Variants in AHNAK2 observed in about 807,000 individuals in gnomAD.
The protein encoded by AHNAK2 is AHNAK nucleoprotein 2.
A neutral mutation model predicts 30.7 loss-of-function variants in AHNAK2; 18 were observed. The ratio of observed to expected loss-of-function variants is 0.59; its 90% confidence interval spans 0.41 to 0.87. The LOEUF is 0.87. Among genes scored for constraint, AHNAK2 ranks in the 40% least tolerant of loss-of-function variants. The pLI is 0.00. For synonymous variants in AHNAK2, 3,590 were observed against 3,073.8 expected, an observed-to-expected ratio of 1.17 and a Z score of -5.56; for missense variants, 8,604 against 7,373.0, an observed-to-expected ratio of 1.17 and a Z score of -6.11.
rs965943312 is a variant in AHNAK2, at chr14:104,945,327, T to A, written c.10124A>T (p.Lys3375Met). ...CTCGGGCACGTGGCCCTCCGGGAGC[T>A]TCACGTCCACCTGGCCAGCCTGGAC... ...LEVQAGQVDV[K>M]LPEGHVPEGA... Residue 3375 changes from lysine (K) to methionine (M), a missense_variant, in exon 7 of 7, where the codon AAG (lysine) becomes ATG (methionine). Physicochemically the swap from Lys to Met is moderately conservative, Grantham distance 95. Coordinates refer to ENST00000333244, the MANE Select transcript of AHNAK2 (RefSeq NM_138420.4). The A allele has an allele frequency of 6.2e-7, 1 of 1,612,618 alleles. No individual in the cohort carries two copies. Among genetic ancestry groups the A allele is most frequent in the African/African-American group, 1.3e-5 (1 of 74,484 alleles).
At chr14:104,955,677 C>T (rs1432831566) in intron 4 of AHNAK2, 44 bp from the exon 5 acceptor site, 9 of 1,595,732 alleles carry the variant, frequency 5.6e-6, no homozygotes, top group Non-Finnish European at 6.8e-6. Flanking sequence ...ATGTGCCAGT[C>T]CCACCATAAG....
rs762827116 is a variant in AHNAK2 at position 104,952,625 on chromosome 14, C to G, written c.2826G>C (p.Lys942Asn). 3 of 1,612,644 alleles carry G rather than the reference C, an allele frequency of 1.9e-6. 1 individual carries two copies. Among genetic ancestry groups the G allele is most frequent in the South Asian group, 2.2e-5 (2 of 91,026 alleles). The change falls in exon 7 of 7, where the codon AAG becomes AAC. Residue 942 changes from lysine to asparagine, a missense_variant. Physicochemically the swap from Lys to Asn is moderately conservative, Grantham distance 94 (BLOSUM62 0). Coordinates refer to ENST00000333244, the MANE Select transcript of AHNAK2 (RefSeq NM_138420.4). ...CCGCCTTGGGGCCTTTCAGGTCCAG[C>G]TTGGGGCCCTTAACATCTATCTGGG... is the stretch of plus-strand genomic sequence containing the variant. The part of the protein sequence containing the change: ...KGPQIDVKGP[K>N]LDLKGPKAEV...
At chr14:104,974,796 A>G (rs1315551339) in intron 1 of AHNAK2, among the ~76,000 whole-genome samples, 2 of 152,224 alleles carry the variant, frequency 1.3e-5, no homozygotes, top group Non-Finnish European at 2.9e-5. Flanking sequence ...TGCCAGCCGG[A>G]AGACCAAGCT....
intron 1 of AHNAK2, among the ~76,000 whole-genome samples, chr14:104,960,093 AG>A (rs1215581152): frequency 6.6e-6 from 1 of 152,266 alleles, no homozygotes; most frequent in Non-Finnish European, 1.5e-5. Context: ...AACAAAAAGG[AG>A]GCTGGATTTA....
rs1018536058 is a variant in AHNAK2, at chr14:104,948,205, G to A, written c.7246C>T (p.Leu2416Phe). Reference sequence around the variant, plus strand: ...TTGACATCTATCTGGGGGCCCTTGAGATCTACTTTGGGCATCTTGAAACTG... The same window carrying A: ...TTGACATCTATCTGGGGGCCCTTGAAATCTACTTTGGGCATCTTGAAACTG... ...MPSFKMPKVD[L>F]KGPQIDVKGP... is the part of the protein sequence containing the mutation. The change falls in exon 7 of 7, where the codon CTC (leucine) becomes TTC (phenylalanine). Residue 2416 changes from leucine (L) to phenylalanine (F), a missense_variant. Coordinates refer to ENST00000333244, the MANE Select transcript of AHNAK2 (RefSeq NM_138420.4). 2 of 1,612,574 alleles carry A rather than the reference G, an allele frequency of 1.2e-6. No individual in the cohort carries two copies. The highest frequency in any genetic ancestry group is 1.1e-5 in the South Asian group (1 of 91,020).
In AHNAK2 at chr14:104,939,779, T is replaced by C. The variant is rs969962846; in HGVS notation, c.15672A>G (p.Thr5224=). Reference sequence around the variant, plus strand: ...TGACTTTAGCTGCTGCTTCACCCCCTGTTGCTGCCGGTGCCTGTGTCTGAG... The same window carrying C: ...TGACTTTAGCTGCTGCTTCACCCCCCGTTGCTGCCGGTGCCTGTGTCTGAG... ...EVAQTQAPAA[T]GGEAAAKVKE... is the part of the protein sequence containing the mutation. The change falls in exon 7 of 7, where the codon ACA becomes ACG. Residue 5224 remains threonine, a synonymous_variant. Coordinates refer to ENST00000333244, the MANE Select transcript of AHNAK2 (RefSeq NM_138420.4). The C allele has an allele frequency of 6.2e-7, 1 of 1,613,698 alleles. No individual in the cohort carries two copies. The highest frequency in any genetic ancestry group is 8.5e-7 in the Non-Finnish European group (1 of 1,179,872).
chr14:104,948,211 C>T lies in AHNAK2; in HGVS notation c.7240G>A (p.Val2414Ile), dbSNP rs1158106146. ...TCTATCTGGGGGCCCTTGAGATCTA[C>T]TTTGGGCATCTTGAAACTGGGCATC... ...LQMPSFKMPK[V>I]DLKGPQIDVK... The change falls in exon 7 of 7, where the codon GTA becomes ATA. Residue 2414 changes from valine (V) to isoleucine (I), a missense_variant. Val to Ile is a conservative substitution (Grantham distance 29). Transcript: ENST00000333244. 6.2e-7 allele frequency: 1 copy of T among 1,612,286 alleles called. No individual in the cohort carries two copies. Among genetic ancestry groups the T allele is most frequent in the South Asian group, 1.1e-5 (1 of 90,986 alleles).
chr14:104,941,181 A>G lies in AHNAK2; in HGVS notation c.14270T>C (p.Met4757Thr). 6.2e-7 allele frequency: 1 copy of G among 1,613,648 alleles called. No homozygotes were observed. Among genetic ancestry groups the G allele is most frequent in the Non-Finnish European group, 8.5e-7 (1 of 1,179,908 alleles). ...AGCAAAACCCACCTTAGGCATCTGC[A>G]TGGATGGCTCTGAACAAGCCGAAAC... ...QQVSACSEPS[M>T]QMPKVGFAGF... is the part of the protein sequence containing the mutation. Residue 4757 changes from methionine to threonine, a missense_variant, in exon 7 of 7, where the codon ATG (methionine) becomes ACG (threonine). By Grantham distance (81) the Met-to-Thr change is moderately conservative (BLOSUM62 -1). Transcript: ENST00000333244.
rs765508389 is a variant in AHNAK2 at position 104,945,505 on chromosome 14, G to C, written c.9946C>G (p.Pro3316Ala). 11 of 1,612,816 alleles carry C rather than the reference G, an allele frequency of 6.8e-6. No homozygotes were observed. Among genetic ancestry groups the C allele is most frequent in the Non-Finnish European group, 9.3e-6 (11 of 1,179,610 alleles). The change falls in exon 7 of 7, where the codon CCG becomes GCG. Residue 3316 changes from proline to alanine, a missense_variant. Pro to Ala is a conservative substitution (Grantham distance 27, BLOSUM62 -1). Transcript: ENST00000333244. ...CCTGGGGCAGACGCCCTGTACGACG[G>C]CATCTTGAATTTGGGCATTTTGAAC... ...SKFKMPKFKM[P>A]SYRASAPGKS...
Position 104,938,847 on chromosome 14 carries a change from T to A in AHNAK2, c.16604A>T (p.Tyr5535Phe), listed in dbSNP as rs768624909. 5 of 1,613,960 alleles carry A rather than the reference T, an allele frequency of 3.1e-6. No homozygotes were observed. The South Asian group carries it at 5.5e-5, about 18-fold the overall frequency. Residue 5535 changes from tyrosine to phenylalanine, a missense_variant, in exon 7 of 7, where the codon TAC (tyrosine) becomes TTC (phenylalanine). Transcript: ENST00000333244. The stretch of plus-strand genomic sequence containing the variant: ...CCTAGAGTGTTGAGTCATTGTTGTG[T>A]ACACTCTAGCCTGCGTGTGGGGCTC... ...IPEPHTQARV[Y>F]TTMTQHSRTQ...
intron 1 of AHNAK2, among the ~76,000 whole-genome samples, chr14:104,968,694 C>G (rs1899383417): frequency 6.6e-6 from 1 of 152,184 alleles, no homozygotes; most frequent in South Asian, 2.1e-4. Flanking sequence ...TGGGGGCTGG[C>G]AGGGAGGAGA....
At position 104,953,123 on chromosome 14, in the gene AHNAK2, G is replaced by T. The variant is rs774130626; in HGVS notation, c.2328C>A (p.Pro776=). 1 of 1,613,064 alleles carries T rather than the reference G, an allele frequency of 6.2e-7. No individual in the cohort carries two copies. The highest frequency in any genetic ancestry group is 8.5e-7 in the Non-Finnish European group (1 of 1,179,692). ...LKMPKVDLKG[P]KLDLKGPKAE... ...CCTTGGGGCCTTTCAGGTCCAGCTTGGGGCCCTTGAGGTCCACTTTGGGCA... is the reference window on the plus strand; with the variant it reads ...CCTTGGGGCCTTTCAGGTCCAGCTTTGGGCCCTTGAGGTCCACTTTGGGCA... Residue 776 remains proline (P), a synonymous_variant, in exon 7 of 7, where the codon CCC becomes CCA. Coordinates refer to ENST00000333244, the MANE Select transcript of AHNAK2 (RefSeq NM_138420.4).
At chr14:104,967,604 C>T (rs908692514) in intron 1 of AHNAK2, among the ~76,000 whole-genome samples, 1 of 152,234 alleles carries the variant, frequency 6.6e-6, no homozygotes, top group African/African-American at 2.4e-5. Context: ...CCACCCTCAG[C>T]CACCGCACTG....
At position 104,944,847 on chromosome 14, in the gene AHNAK2, A is replaced by C. The variant is rs202194152; in HGVS notation, c.10604T>G (p.Val3535Gly). The change falls in exon 7 of 7, where the codon GTC (valine) becomes GGC (glycine). Residue 3535 changes from valine (V) to glycine (G), a missense_variant. Coordinates refer to ENST00000333244, the MANE Select transcript of AHNAK2 (RefSeq NM_138420.4). Reference sequence around the variant, plus strand: ...CTCCAGGAGTTCCACATCCACTTGGACAGCCTGGACCTCCAGGTCAGCGGA... The same window carrying C: ...CTCCAGGAGTTCCACATCCACTTGGCCAGCCTGGACCTCCAGGTCAGCGGA... Reference protein sequence around the residue: ...PPSADLEVQAVQVDVELLEGP... With the variant: ...PPSADLEVQAGQVDVELLEGP... The C allele has an allele frequency of 9.3e-4, 1,505 of 1,610,360 alleles. 14 individuals are homozygous for C. In the African/African-American group the frequency reaches 0.014, roughly 15 times the overall value.
In AHNAK2 at chr14:104,939,443, G is replaced by C; in HGVS notation, c.16008C>G (p.Asp5336Glu). The C allele has an allele frequency of 6.2e-7, 1 of 1,613,486 alleles. No individual in the cohort carries two copies. Among genetic ancestry groups the C allele is most frequent in the Non-Finnish European group, 8.5e-7 (1 of 1,179,808 alleles). Residue 5336 changes from aspartate to glutamate, a missense_variant, in exon 7 of 7, where the codon GAC becomes GAG. Asp to Glu is a conservative substitution (Grantham distance 45, BLOSUM62 2). Coordinates refer to ENST00000333244, the MANE Select transcript of AHNAK2 (RefSeq NM_138420.4). ...CTGTTTTATCCTCCATGCTGGCAAGGTCATGTCCTGGCTTGGAAAGAGGAG... is the reference window on the plus strand; with the variant it reads ...CTGTTTTATCCTCCATGCTGGCAAGCTCATGTCCTGGCTTGGAAAGAGGAG... ...DETPLSKPGH[D>E]LASMEDKTEK...
chr14:104,943,778 C>T lies in AHNAK2; in HGVS notation c.11673G>A (p.Met3891Ile). ...CGACTTTGGGCATCTTGAAACTGGG[C>T]ATCTGCACCTTGGGCAGGTGTCCTT... ...GLKGHLPKVQ[M>I]PSFKMPKVDL... The change falls in exon 7 of 7, where the codon ATG (methionine) becomes ATA (isoleucine). Residue 3891 changes from methionine (M) to isoleucine (I), a missense_variant. By Grantham distance (10) the Met-to-Ile change is conservative. Transcript: ENST00000333244. The T allele has an allele frequency of 6.2e-7, 1 of 1,613,224 alleles. No individual in the cohort carries two copies.
chr14:104,943,461 T>G lies in AHNAK2; in HGVS notation c.11990A>C (p.Lys3997Thr), dbSNP rs748901759. The change falls in exon 7 of 7, where the codon AAG (lysine) becomes ACG (threonine). Residue 3997 changes from lysine (K) to threonine (T), a missense_variant. Coordinates refer to ENST00000333244, the MANE Select transcript of AHNAK2 (RefSeq NM_138420.4). ...MEASVDVTAP[K>T]VEADVSLPSM... ...AGGGAGGCTCACGTCGGCCTCCACCTTTGGCGCGGTCACATCCACTGATGC... is the reference window on the plus strand; with the variant it reads ...AGGGAGGCTCACGTCGGCCTCCACCGTTGGCGCGGTCACATCCACTGATGC... 1.9e-6 allele frequency: 3 copies of G among 1,613,136 alleles called. No homozygotes were observed. The highest frequency in any genetic ancestry group is 8.5e-7 in the Non-Finnish European group (1 of 1,179,596).
rs2582511 is a variant in AHNAK2 at position 104,949,673 on chromosome 14, T to C, written c.5778A>G (p.Thr1926=). The change falls in exon 7 of 7, where the codon ACA becomes ACG. Residue 1926 remains threonine (T), a synonymous_variant. Transcript: ENST00000333244. ...GGTCCAGCTTGGCGCCCTTAACATC[T>C]GTCTGGGGGCCCTTGAGGTCCACTT... is the stretch of plus-strand genomic sequence containing the variant. ...MPKVDLKGPQ[T]DVKGAKLDLK... is the part of the protein sequence containing the mutation. 959,164 of 1,584,796 alleles carry C rather than the reference T, an allele frequency of 0.61. 330,942 individuals carry two copies. Among genetic ancestry groups the C allele is most frequent in the African/African-American group, 0.71 (51,393 of 72,162 alleles).
rs370995302 is a variant in AHNAK2, at chr14:104,946,739, G to C, written c.8712C>G (p.Phe2904Leu). The C allele has an allele frequency of 2.6e-5, 42 of 1,612,516 alleles. 1 individual carries two copies. The Admixed American group carries it at 2.7e-4, about 10-fold the overall frequency. The stretch of plus-strand genomic sequence containing the variant: ...CCTTGAGATCCACTTTGGGCATCTT[G>C]AAACTGGGCATCTGCACCTTGGGCA... ...GHLPKVQMPS[F>L]KMPKVDLKGP... Residue 2904 changes from phenylalanine (F) to leucine (L), a missense_variant, in exon 7 of 7, where the codon TTC becomes TTG. Phe to Leu is a conservative substitution (Grantham distance 22, BLOSUM62 0). Coordinates refer to ENST00000333244, the MANE Select transcript of AHNAK2 (RefSeq NM_138420.4).
Sources: allele counts gnomAD v4.1 joint callset (sites outside exome capture counted in the v4.1 genomes callset), GRCh38; gene constraint gnomAD v4.1.1; transcripts MANE v1.5; gene names NCBI Gene and HGNC (gene_info 2026-07-23, HGNC 2026-07-21).